The following WFDC6 variants were observed in gnomAD, a reference collection of about 807,000 sequenced individuals.
WFDC6 encodes the protein WAP four-disulfide core domain protein 6.
A neutral mutation model predicts 8.2 loss-of-function variants in WFDC6; 10 were observed. The ratio of observed to expected loss-of-function variants is 1.22; its 90% CI spans 0.75 to 2.07. The LOEUF is 2.07. Among genes scored for constraint, WFDC6 ranks in the 30% most tolerant of loss-of-function variants. The pLI, the probability that WFDC6 is intolerant of heterozygous loss-of-function variation, is 0.00. For missense variants in WFDC6, 105 were observed against 104.9 expected, an observed-to-expected ratio of 1.00 and a Z score of 0.00; for synonymous variants, 28 against 37.0, an observed-to-expected ratio of 0.76 and a Z score of 0.88.
At chr20:45,534,560 C>G in intron 2 of WFDC6, 55 bp from the exon 3 acceptor site, 1 of 1,595,694 alleles carries the variant, frequency 6.3e-7, no homozygotes. Flanking sequence ...ACATTAGGAA[C>G]CAAATCTTGC....
chr20:45,538,134 G>A (rs1178619567), intron 1 of WFDC6, 40 bp from the exon 2 acceptor site: 1 of 1,612,918 alleles, frequency 6.2e-7, no homozygotes. Flanking sequence ...GGCCTTAAAG[G>A]AGCCAGTGCT....
chr20:45,538,427 TGATTGA>T (rs1303168852), intron 1 of WFDC6, among the ~76,000 whole-genome samples: 1 of 152,194 alleles, frequency 6.6e-6, no homozygotes, highest in Non-Finnish European at 1.5e-5. Context: ...TGGCTCTCGA[TGATTGA>T]GATTAACATT....
chr20:45,535,237 G>T, intron 2 of WFDC6: 1 of 1,304,276 alleles, frequency 7.7e-7, no homozygotes, highest in Non-Finnish European at 1.0e-6. Flanking sequence ...CGCCATAGAT[G>T]AATTCGGAGC....
At chr20:45,535,858 T>G (rs1979344913) in intron 2 of WFDC6, among the ~76,000 whole-genome samples, 1 of 152,158 alleles carries the variant, frequency 6.6e-6, no homozygotes, top group South Asian at 2.1e-4. Flanking sequence ...CCTTCTCCTC[T>G]CCAGCTTTAT....
chr20:45,537,453 ATCT>A, intron 2 of WFDC6: 2 of 1,326,550 alleles, frequency 1.5e-6, no homozygotes, highest in South Asian at 1.3e-5. Flanking sequence ...GTCCTTGATG[ATCT>A]TCTTTAGAGC....
In WFDC6 at chr20:45,534,250, G is replaced by C. The variant is rs1376026272; in HGVS notation, c.*217C>G. 2 of 605,308 alleles carry C rather than the reference G, an allele frequency of 3.3e-6. No homozygotes were observed. Among genetic ancestry groups the C allele is most frequent in the East Asian group, 5.6e-5 (2 of 35,454 alleles). The allele number at this position is 605,308 out of a possible 1,614,324, so 37.5% of individuals were successfully genotyped here. ...AACTGAAGCCTTCATACAAATAAAT[G>C]GGGGGTCTGAAAGTTGAAGACATAG... On this transcript the variant is annotated 3_prime_UTR_variant, in exon 3 of 3. Transcript: ENST00000372670.
chr20:45,536,617 T>A (rs1979376243), intron 2 of WFDC6, among the ~76,000 whole-genome samples: 1 of 152,192 alleles, frequency 6.6e-6, no homozygotes, highest in African/African-American at 2.4e-5. Flanking sequence ...CAAGACCAGA[T>A]CCCTTACCAG....
chr20:45,535,717 C>T (rs1979340501), intron 2 of WFDC6, among the ~76,000 whole-genome samples: 1 of 152,216 alleles, frequency 6.6e-6, no homozygotes, highest in African/African-American at 2.4e-5. Context: ...TTTGCAAGGA[C>T]TCCATGAAAG....
intron 2 of WFDC6, 36 bp downstream of exon 2, chr20:45,537,928 G>A (rs780560886): frequency 2.2e-5 from 36 of 1,613,504 alleles, no homozygotes; most frequent in Non-Finnish European, 3.0e-5. Context: ...GATAGGAGGT[G>A]AGGGCACTGG....
At chr20:45,537,790 G>A (rs1979422813) in intron 2 of WFDC6, among the ~76,000 whole-genome samples, 174 bp downstream of exon 2, 1 of 152,050 alleles carries the variant, frequency 6.6e-6, no homozygotes, top group South Asian at 2.1e-4. Flanking sequence ...AGGAAGAAAT[G>A]AAATAAAATC....
intron 1 of WFDC6, among the ~76,000 whole-genome samples, chr20:45,538,548 GA>G (rs1979462160): frequency 6.6e-6 from 1 of 152,176 alleles, no homozygotes; most frequent in Non-Finnish European, 1.5e-5. Context: ...TTGCTTTGAA[GA>G]CTAACCAGCA....
chr20:45,538,939 G>A (rs1257844025), intron 1 of WFDC6, among the ~76,000 whole-genome samples: 1 of 152,188 alleles, frequency 6.6e-6, no homozygotes, highest in Admixed American at 6.5e-5. Flanking sequence ...GGTCCTCTGT[G>A]GGTATGGGTG....
chr20:45,536,401 T>C (rs1979367025), intron 2 of WFDC6, among the ~76,000 whole-genome samples: 1 of 152,168 alleles, frequency 6.6e-6, no homozygotes, highest in Non-Finnish European at 1.5e-5. Flanking sequence ...CATTGATTAG[T>C]GTCAGCACAA....
In WFDC6 at chr20:45,534,213, C is replaced by G; in HGVS notation, c.*254G>C. The G allele has an allele frequency of 1.8e-6, 1 of 556,770 alleles. No homozygotes were observed. Among genetic ancestry groups the G allele is most frequent in the Non-Finnish European group, 3.2e-6 (1 of 310,256 alleles). 34.5% of individuals were successfully genotyped at this position (556,770 alleles called of 1,614,324 possible). ...CGGAGAGATCGGACCCCACAGAGCACTTTATTAAGGCAACTGAAGCCTTCA... is the reference window on the plus strand; with the variant it reads ...CGGAGAGATCGGACCCCACAGAGCAGTTTATTAAGGCAACTGAAGCCTTCA... On this transcript the variant is annotated 3_prime_UTR_variant, in exon 3 of 3. Coordinates refer to ENST00000372670, the MANE Select transcript of WFDC6 (RefSeq NM_080827.2).
chr20:45,537,670 T>C, intron 2 of WFDC6: 1 of 1,207,432 alleles, frequency 8.3e-7, no homozygotes, highest in Non-Finnish European at 1.2e-6. Context: ...CGAGAATCAC[T>C]GAAGAGTAGC....
chr20:45,536,094 A>G (rs1979353981), intron 2 of WFDC6, among the ~76,000 whole-genome samples: 1 of 152,172 alleles, frequency 6.6e-6, no homozygotes, highest in Non-Finnish European at 1.5e-5. Context: ...AGTCTTGCAC[A>G]CACATTTATC....
rs1979288079 is a variant in WFDC6, at chr20:45,534,435, A to C, written c.*32T>G. 1 of 1,613,540 alleles carries C rather than the reference A, an allele frequency of 6.2e-7. No individual in the cohort carries two copies. The highest frequency in any genetic ancestry group is 8.5e-7 in the Non-Finnish European group (1 of 1,179,602). ...GAGCATCAATCAGGCACACGTGGAG[A>C]GAGGCCTGGATTATGAGCCAAATCC... On this transcript the variant is annotated 3_prime_UTR_variant, in exon 3 of 3. Transcript: ENST00000372670.
intron 2 of WFDC6, chr20:45,537,186 TC>T (rs1979398347): frequency 3.5e-6 from 1 of 284,456 alleles, no homozygotes; most frequent in Non-Finnish European, 6.7e-6. Context: ...TGTCTCTTGC[TC>T]ACTCTCTGCT....
At chr20:45,538,448 G>A (rs1457896323) in intron 1 of WFDC6, among the ~76,000 whole-genome samples, 1 of 152,140 alleles carries the variant, frequency 6.6e-6, no homozygotes, top group Non-Finnish European at 1.5e-5. Context: ...AACATTTCTG[G>A]CATCAGATAG....
Sources: allele counts gnomAD v4.1 joint callset (sites outside exome capture counted in the v4.1 genomes callset), GRCh38; gene constraint gnomAD v4.1.1; transcripts MANE v1.5; gene names NCBI Gene and HGNC (gene_info 2026-07-23, HGNC 2026-07-21).